CNTN5: variants seen among roughly 807,000 people sequenced by gnomAD.
CNTN5 encodes contactin-5.
In CNTN5, 77 loss-of-function variants were observed where a neutral mutation model predicts 129.1. The observed-to-expected ratio is 0.60, with a 90% CI of 0.50 to 0.72. CNTN5 has a LOEUF of 0.72. Among genes scored for constraint, CNTN5 ranks in the 30% least tolerant of loss-of-function variants. The probability of loss-of-function intolerance (pLI) is 0.00; values close to 1 mark genes in which losing one functional copy is unlikely to be tolerated. For synonymous variants in CNTN5, 509 were observed against 465.6 expected (o/e 1.09, Z -1.20); for missense variants, 1,478 against 1,328.8 (o/e 1.11, Z -1.75).
At chr11:100,171,649 C>CATCT (rs1390324187) in intron 13 of CNTN5, among the ~76,000 whole-genome samples, 2 of 151,902 alleles carry the variant, frequency 1.3e-5, no homozygotes, top group African/African-American at 4.8e-5. Context: ...AGTGTAGGAA[C>CATCT]ATCTCAGTGG....
intron 9 of CNTN5, among the ~76,000 whole-genome samples, chr11:100,005,571 A>G (rs576660725): frequency 5.3e-5 from 8 of 152,316 alleles, no homozygotes; most frequent in African/African-American, 1.9e-4. Flanking sequence ...TTTAATTTGT[A>G]TAACTGAAAC....
rs373717979 is a variant in CNTN5, at chr11:99,574,309, G to A, written c.55+18040G>A. 2.6e-5 allele frequency among the ~76,000 whole-genome samples: 4 copies of A among 152,260 alleles called. No individual in the cohort carries two copies. In the East Asian group the frequency reaches 7.7e-4, roughly 29 times the overall value. The stretch of plus-strand genomic sequence containing the variant: ...CATTTTCTTTACCCAGTCAATCATT[G>A]ATGGGCATTTGGGTTGATTCCATTT... On this transcript the variant is annotated intron_variant, in intron 3 of 24. Coordinates refer to ENST00000524871, the MANE Select transcript of CNTN5 (RefSeq NM_014361.4).
intron 2 of CNTN5, among the ~76,000 whole-genome samples, chr11:99,384,814 GTCTAC>G (rs1940823532): frequency 6.6e-6 from 1 of 152,046 alleles, no homozygotes; most frequent in Non-Finnish European, 1.5e-5. Flanking sequence ...GTTTTGATAT[GTCTAC>G]TCTGTGGAAT....
chr11:99,668,331 T>C (rs1480740171), intron 3 of CNTN5, among the ~76,000 whole-genome samples: 2 of 152,134 alleles, frequency 1.3e-5, no homozygotes, highest in Non-Finnish European at 2.9e-5. Context: ...CCTCTTGCTG[T>C]GTGGTCTGAT....
At chr11:99,283,645 T>G (rs374188388) in intron 1 of CNTN5, among the ~76,000 whole-genome samples, 9 of 152,186 alleles carry the variant, frequency 5.9e-5, no homozygotes, top group Non-Finnish European at 1.2e-4. Flanking sequence ...AGTTGTTTGC[T>G]AGTTTGTAAC....
At chr11:100,084,660 G>A (rs1944480633) in intron 13 of CNTN5, among the ~76,000 whole-genome samples, 1 of 151,948 alleles carries the variant, frequency 6.6e-6, no homozygotes, top group African/African-American at 2.4e-5. Flanking sequence ...CAATGACAGT[G>A]TGGTTTCTGA....
At chr11:99,295,970 A>G (rs1456294896) in intron 1 of CNTN5, among the ~76,000 whole-genome samples, 1 of 150,380 alleles carries the variant, frequency 6.6e-6, no homozygotes, top group Admixed American at 6.6e-5. Flanking sequence ...TTGGGCCTTT[A>G]TCTTTTATCT....
chr11:100,266,764 T>C (rs960192325), intron 17 of CNTN5, among the ~76,000 whole-genome samples: 7 of 152,070 alleles, frequency 4.6e-5, no homozygotes, highest in African/African-American at 1.7e-4. Flanking sequence ...AGGAAGATTA[T>C]TTTTATATGT....
intron 1 of CNTN5, among the ~76,000 whole-genome samples, chr11:99,034,137 T>C (rs564177671): frequency 6.6e-5 from 10 of 152,318 alleles, no homozygotes; most frequent in African/African-American, 2.4e-4. Context: ...TCATGGTGGA[T>C]AAGCTTTTTG....
intron 3 of CNTN5, among the ~76,000 whole-genome samples, chr11:99,664,962 C>T (rs1952730568): frequency 6.6e-6 from 1 of 152,082 alleles, no homozygotes; most frequent in Non-Finnish European, 1.5e-5. Context: ...ACTAAAGCTG[C>T]TTTATCAGGA....
chr11:99,927,766 A>T (rs550177301), intron 7 of CNTN5, among the ~76,000 whole-genome samples: 1 of 152,240 alleles, frequency 6.6e-6, no homozygotes, highest in African/African-American at 2.4e-5. Context: ...AGACACAGCC[A>T]AATCATATTA....
chr11:99,714,033 C>G (rs639600), intron 3 of CNTN5, among the ~76,000 whole-genome samples: 113,501 of 151,698 alleles, frequency 0.75, 42,794 homozygotes, highest in Middle Eastern at 0.85. Flanking sequence ...AACTATAGCT[C>G]TTTGGGGACT....
At chr11:100,046,679 G>A (rs904424079) in intron 9 of CNTN5, among the ~76,000 whole-genome samples, 1 of 151,932 alleles carries the variant, frequency 6.6e-6, no homozygotes, top group African/African-American at 2.4e-5. Context: ...ACTTTGGATT[G>A]TTACCAGATT....
chr11:99,698,088 GA>G lies in CNTN5; in HGVS notation c.56-121455del, dbSNP rs536021868. ...TTTTTTTTTTTAACTTCTGAAATAA[GA>G]TTTTTTTTTACTACGTATTTCCTAT... On this transcript the variant is annotated intron_variant, in intron 3 of 24. Coordinates refer to ENST00000524871, the MANE Select transcript of CNTN5 (RefSeq NM_014361.4). Among the ~76,000 whole-genome samples the G allele has an allele frequency of 1.3e-4, 18 of 143,784 alleles. No homozygotes were observed. The East Asian group carries it at 3.5e-3, about 28-fold the overall frequency. 94.3% of individuals were successfully genotyped at this position (143,784 alleles called of 152,430 possible).
At chr11:100,351,411 A>G (rs958900262) in intron 24 of CNTN5, among the ~76,000 whole-genome samples, 2 of 151,364 alleles carry the variant, frequency 1.3e-5, no homozygotes, top group Admixed American at 1.3e-4. Context: ...TACATACATC[A>G]TCTAAGTTTA....
chr11:100,112,861 C>G (rs951169484), intron 13 of CNTN5, among the ~76,000 whole-genome samples: 1 of 152,096 alleles, frequency 6.6e-6, no homozygotes, highest in African/African-American at 2.4e-5. Flanking sequence ...AATTGACTAA[C>G]TCCCAGTTAA....
At chr11:99,525,088 T>A (rs1349772371) in intron 2 of CNTN5, among the ~76,000 whole-genome samples, 1 of 152,190 alleles carries the variant, frequency 6.6e-6, no homozygotes, top group African/African-American at 2.4e-5. Context: ...ACAGTACACA[T>A]TGTCATATTT....
chr11:99,463,443 GA>G (rs66933434), intron 2 of CNTN5, among the ~76,000 whole-genome samples: 1 of 126,892 alleles, frequency 7.9e-6, no homozygotes, highest in African/African-American at 2.9e-5. Flanking sequence ...GTCTCAAAAA[GA>G]AAAAAAAAAA....
At chr11:99,361,052 T>G (rs1266000847) in intron 2 of CNTN5, among the ~76,000 whole-genome samples, 1 of 152,190 alleles carries the variant, frequency 6.6e-6, no homozygotes, top group Non-Finnish European at 1.5e-5. Flanking sequence ...ACCAAGTTCT[T>G]TGCCACTTCA....
Sources: gnomAD v4.1 joint callset for allele counts (sites outside exome capture counted in the v4.1 genomes callset) on GRCh38, gnomAD v4.1.1 for gene constraint, MANE v1.5 for transcripts, NCBI Gene and HGNC (gene_info 2026-07-23, HGNC 2026-07-21) for gene names.